The following TP53BP1 variants were observed in gnomAD, a reference collection of about 807,000 sequenced individuals.
TP53BP1 encodes tumor protein p53 binding protein 1.
A neutral mutation model predicts 200.8 loss-of-function variants in TP53BP1; 61 were observed. The observed-to-expected ratio is 0.30, with a 90% confidence interval of 0.25 to 0.38. The LOEUF (loss-of-function observed/expected upper bound fraction) is 0.38, where lower values mean the gene tolerates loss of function less well. TP53BP1 is among the 10% of genes least tolerant of loss of function. The probability of loss-of-function intolerance (pLI) is 1.00; values close to 1 mark genes in which losing one functional copy is unlikely to be tolerated. For synonymous variants in TP53BP1, 822 were observed against 844.3 expected (o/e 0.97, Z 0.46); for missense variants, 2,144 against 2,371.9 (o/e 0.90, Z 2.00).
intron 9 of TP53BP1, among the ~76,000 whole-genome samples, chr15:43,475,274 C>T (rs887879718): frequency 6.6e-6 from 1 of 152,204 alleles, no homozygotes; most frequent in Non-Finnish European, 1.5e-5. Context: ...AGAAGAATTG[C>T]AAGTAAAACA....
At chr15:43,454,086 T>C (rs528630923) in intron 12 of TP53BP1, among the ~76,000 whole-genome samples, 8 of 151,440 alleles carry the variant, frequency 5.3e-5, no homozygotes, top group Admixed American at 3.9e-4. Flanking sequence ...GCACCTGTAG[T>C]CCCAGCTACT....
chr15:43,409,746 AT>A lies in TP53BP1; in HGVS notation c.5306-6del, dbSNP rs769885709. 1 of 1,432,622 alleles carries A rather than the reference AT, an allele frequency of 7.0e-7. No individual in the cohort carries two copies. Among genetic ancestry groups the A allele is most frequent in the Non-Finnish European group, 9.5e-7 (1 of 1,054,858 alleles). 88.7% of individuals were successfully genotyped at this position (1,432,622 alleles called of 1,614,324 possible). On this transcript the variant is annotated splice_region_variant and splice_polypyrimidine_tract_variant and intron_variant, in intron 24 of 27. Coordinates refer to ENST00000382044, the MANE Select transcript of TP53BP1 (RefSeq NM_001141980.3). The stretch of plus-strand genomic sequence containing the variant: ...AAGGAGGAATTTCCAAAAATTCTAT[AT>A]TAAAAAAAAAAACCAAGATAATAAT...
At chr15:43,495,558 C>A (rs538071431), upstream of TP53BP1, among the ~76,000 whole-genome samples, 1 of 149,472 alleles carries the variant, frequency 6.7e-6, no homozygotes, top group East Asian at 2.0e-4. Context: ...TAGCTCACGC[C>A]TGTAATCCCA....
chr15:43,473,247 G>T (rs887161734), intron 10 of TP53BP1, among the ~76,000 whole-genome samples: 101 of 152,260 alleles, frequency 6.6e-4, no homozygotes, highest in African/African-American at 2.3e-3. Context: ...ACTGTGGAAG[G>T]GGACCCGAGC....
intron 16 of TP53BP1, among the ~76,000 whole-genome samples, chr15:43,434,256 G>C (rs1411353576): frequency 6.6e-6 from 1 of 152,112 alleles, no homozygotes; most frequent in Non-Finnish European, 1.5e-5. Flanking sequence ...ATTGAGCATA[G>C]CAGATGCTCA....
chr15:43,409,652 C>G lies in TP53BP1; in HGVS notation c.5395G>C (p.Ala1799Pro). ...AGYILEDFNEAQCNTAYQCLL... is the reference protein window; with the variant it reads ...AGYILEDFNEPQCNTAYQCLL... ...TACACAAAGAAACTCCTCACCTGGG[C>G]TTCATTGAAATCTTCAAGGATATAG... The change falls in exon 25 of 28, where the codon GCC becomes CCC. Residue 1799 changes from alanine (A) to proline (P), a missense_variant. Transcript: ENST00000382044. 6.5e-7 allele frequency: 1 copy of G among 1,531,358 alleles called. No homozygotes were observed. Among genetic ancestry groups the G allele is most frequent in the Non-Finnish European group, 8.8e-7 (1 of 1,135,192 alleles). 94.9% of individuals were successfully genotyped at this position (1,531,358 alleles called of 1,614,324 possible).
rs1020664897 is a variant in TP53BP1, at chr15:43,407,581, C to G, written c.5747-11G>C. 6.2e-7 allele frequency: 1 copy of G among 1,602,196 alleles called. No homozygotes were observed. Among genetic ancestry groups the G allele is most frequent in the Non-Finnish European group, 8.5e-7 (1 of 1,172,656 alleles). ...CCCCTAAAGCAATATCTGCAAGGAG[C>G]AAGGGAAAGTGAAGAAGGAAAGGAC... is the stretch of plus-strand genomic sequence containing the variant. On this transcript the variant is annotated splice_polypyrimidine_tract_variant and intron_variant, in intron 27 of 27. Coordinates refer to ENST00000382044, the MANE Select transcript of TP53BP1 (RefSeq NM_001141980.3).
chr15:43,460,364 G>C (rs552931369), intron 11 of TP53BP1, among the ~76,000 whole-genome samples: 1 of 152,156 alleles, frequency 6.6e-6, no homozygotes, highest in Non-Finnish European at 1.5e-5. Flanking sequence ...GGACTCAACT[G>C]ATCCTCCCAC....
intron 23 of TP53BP1, chr15:43,415,204 T>TC: frequency 2.6e-5 from 5 of 195,014 alleles, no homozygotes; most frequent in Middle Eastern, 2.2e-3. Context: ...CTGGCCTTCT[T>TC]TTTTTTTTTT....
chr15:43,413,337 G>C lies in TP53BP1; in HGVS notation c.5090-3C>G. The C allele has an allele frequency of 6.2e-7, 1 of 1,612,582 alleles. No individual in the cohort carries two copies. On this transcript the variant is annotated splice_region_variant and splice_polypyrimidine_tract_variant and intron_variant, in intron 23 of 27. Coordinates refer to ENST00000382044, the MANE Select transcript of TP53BP1 (RefSeq NM_001141980.3). ...AAACTCTCCTGCCCCTACTGCACCTGGGAAGGACAGGGGCACAGTTACTAG... is the reference window on the plus strand; with the variant it reads ...AAACTCTCCTGCCCCTACTGCACCTCGGAAGGACAGGGGCACAGTTACTAG...
chr15:43,460,087 C>G (rs1354247603), intron 11 of TP53BP1, among the ~76,000 whole-genome samples: 1 of 151,926 alleles, frequency 6.6e-6, no homozygotes, highest in African/African-American at 2.4e-5. Flanking sequence ...AAAACATACA[C>G]GTAAAATAAT....
chr15:43,447,239 T>C, intron 13 of TP53BP1, 127 bp downstream of exon 13: 2 of 957,974 alleles, frequency 2.1e-6, no homozygotes, highest in Non-Finnish European at 3.1e-6. Context: ...TTCATAACCC[T>C]ATTTTCCCTA....
chr15:43,426,206 G>C (rs1400569354), intron 18 of TP53BP1, among the ~76,000 whole-genome samples: 1 of 152,062 alleles, frequency 6.6e-6, no homozygotes, highest in Non-Finnish European at 1.5e-5. Context: ...CACTTTGGGA[G>C]GCCAAGGCAG....
At chr15:43,441,379 T>C in intron 15 of TP53BP1, 147 bp downstream of exon 15, 1 of 644,398 alleles carries the variant, frequency 1.6e-6, no homozygotes, top group South Asian at 2.0e-5. Flanking sequence ...AAAAAGTCTA[T>C]GATCCATTCA....
intron 11 of TP53BP1, among the ~76,000 whole-genome samples, chr15:43,461,231 T>TTC (rs200840052): frequency 0.035 from 5,341 of 151,990 alleles, 302 homozygotes; most frequent in African/African-American, 0.12. Context: ...TTATTTTATT[T>TTC]TTTTTTTGAG....
intron 15 of TP53BP1, among the ~76,000 whole-genome samples, chr15:43,440,515 A>G (rs2245785): frequency 0.28 from 40,424 of 145,288 alleles, 9,348 homozygotes; most frequent in African/African-American, 0.64. Context: ...ACTCCGTCTC[A>G]AAAAAAAAAA....
In TP53BP1 at chr15:43,413,241, G is replaced by A; in HGVS notation, c.5183C>T (p.Pro1728Leu). 1 of 1,614,200 alleles carries A rather than the reference G, an allele frequency of 6.2e-7. No homozygotes were observed. The highest frequency in any genetic ancestry group is 2.2e-5 in the East Asian group (1 of 44,882). Residue 1728 changes from proline (P) to leucine (L), a missense_variant, in exon 24 of 28, where the codon CCT becomes CTT. By Grantham distance (98) the Pro-to-Leu change is moderately conservative. This residue lies in a region of TP53BP1 where 334 missense variants were observed against 453.4 expected (regional missense o/e 0.74). Transcript: ENST00000382044. ...GCCCAGAAACAAGGTCTTGTTGAGA[G>A]GCAAAGGCCCTCTCTGCTCTTCCAG... ...SALEEQRGPLPLNKTLFLGYA... is the reference protein window; with the variant it reads ...SALEEQRGPLLLNKTLFLGYA...
chr15:43,449,620 T>A (rs781034213), intron 12 of TP53BP1, among the ~76,000 whole-genome samples: 1 of 152,160 alleles, frequency 6.6e-6, no homozygotes, highest in African/African-American at 2.4e-5. Flanking sequence ...CAATGCCTCA[T>A]TCCTGGATTA....
At chr15:43,471,104 A>C (rs45518434) in intron 10 of TP53BP1, among the ~76,000 whole-genome samples, 2 of 152,354 alleles carry the variant, frequency 1.3e-5, no homozygotes, top group East Asian at 3.9e-4. Context: ...TTAGGTTAAG[A>C]GAAAAGCAAA....
Sources: allele counts gnomAD v4.1 joint callset (sites outside exome capture counted in the v4.1 genomes callset), GRCh38; gene constraint gnomAD v4.1.1; regional missense constraint gnomAD v4.1.1; transcripts MANE v1.5; gene names NCBI Gene and HGNC (gene_info 2026-07-23, HGNC 2026-07-21).